The following INSR variants were observed in gnomAD, a reference collection of about 807,000 sequenced individuals.
INSR encodes the protein insulin receptor.
Under a neutral mutation model 142.6 loss-of-function variants are expected in INSR, and 67 were observed. That is an observed-to-expected ratio of 0.47 (90% CI 0.39 to 0.58). The LOEUF (loss-of-function observed/expected upper bound fraction) is 0.58, where lower values mean the gene tolerates loss of function less well. Among genes scored for constraint, INSR ranks in the 20% least tolerant of loss-of-function variants. The pLI is 0.00. For synonymous variants in INSR, 756 were observed against 743.1 expected (o/e 1.02, Z -0.28); for missense variants, 1,248 against 1,833.2 (o/e 0.68, Z 5.83).
chr19:7,147,180 CTT>C (rs775052375), intron 11 of INSR, among the ~76,000 whole-genome samples: 1 of 145,118 alleles, frequency 6.9e-6, no homozygotes. Flanking sequence ...AACTTTTTAA[CTT>C]TTTTTTTTTT....
At chr19:7,161,274 T>G (rs1288379444) in intron 9 of INSR, among the ~76,000 whole-genome samples, 1 of 151,664 alleles carries the variant, frequency 6.6e-6, no homozygotes, top group Non-Finnish European at 1.5e-5. Context: ...TTTTTATATA[T>G]ATAGAGACAG....
intron 2 of INSR, among the ~76,000 whole-genome samples, chr19:7,190,369 G>GTT (rs34757652): frequency 3.8e-4 from 39 of 102,698 alleles, no homozygotes; most frequent in Non-Finnish European, 4.5e-4. Flanking sequence ...TTCTTTGGTG[G>GTT]TTTTTTTTTT....
At chr19:7,288,735 G>A (rs1012001692) in intron 1 of INSR, among the ~76,000 whole-genome samples, 4 of 151,622 alleles carry the variant, frequency 2.6e-5, no homozygotes, top group African/African-American at 9.7e-5. Flanking sequence ...GGCTGAGGTA[G>A]GTGGATCTCT....
rs550281521 is a variant in INSR, at chr19:7,163,555, G to A, written c.1862-356C>T. Among the ~76,000 whole-genome samples the A allele has an allele frequency of 2.5e-4, 38 of 150,780 alleles. No individual in the cohort carries two copies. The East Asian group carries it at 3.5e-3, about 14-fold the overall frequency. ...AGCCTGGGTGACAGAGCAAGAGTCC[G>A]TCTCAAAACAAAACAAAACAAAAAA... On this transcript the variant is annotated intron_variant, in intron 8 of 21. Transcript: ENST00000302850.
Position 7,267,662 on chromosome 19 carries a change from G to C in INSR, c.335C>G (p.Ser112Ter), listed in dbSNP as rs1967780431. ...CAGCGCGTAGTTAAAGAACAGTCGT[G>C]ATCCCCGGATGACCGTGAGGTTGGG... ...LFPNLTVIRG[S>*]RLFFNYALVI... Residue 112 changes from serine to a stop codon, truncating the protein, a stop_gained, in exon 2 of 22, where the codon TCA becomes TGA. Transcript: ENST00000302850. LOFTEE classifies it high-confidence loss of function. This position sits in a 1 kb window ranked among gnomAD's most constrained non-coding sequence, Gnocchi z 6.3. 1 of 1,613,920 alleles carries C rather than the reference G, an allele frequency of 6.2e-7. No homozygotes were observed. Among genetic ancestry groups the C allele is most frequent in the African/African-American group, 1.3e-5 (1 of 74,878 alleles).
At chr19:7,131,686 A>AGT (rs2144830261) in intron 14 of INSR, among the ~76,000 whole-genome samples, 1 of 83,896 alleles carries the variant, frequency 1.2e-5, no homozygotes, top group African/African-American at 5.6e-5. Flanking sequence ...TACCTCTGAA[A>AGT]CTTTTTTTTT....
intron 2 of INSR, among the ~76,000 whole-genome samples, chr19:7,201,488 G>A (rs1427865946): frequency 7.9e-5 from 12 of 151,086 alleles, no homozygotes; most frequent in African/African-American, 2.9e-4. Context: ...AGCTGGGTGT[G>A]GTGGTGGGCG....
intron 14 of INSR, among the ~76,000 whole-genome samples, chr19:7,131,228 T>C (rs1461749698): frequency 6.6e-6 from 1 of 151,750 alleles, no homozygotes; most frequent in Admixed American, 6.6e-5. Flanking sequence ...AGGTGCCTAC[T>C]TGAGAGTGGT....
intron 2 of INSR, among the ~76,000 whole-genome samples, chr19:7,263,620 T>C (rs1198188874): frequency 6.6e-6 from 1 of 152,178 alleles, no homozygotes; most frequent in Non-Finnish European, 1.5e-5. Context: ...GAGTCTCAGT[T>C]TGTCACCCAG....
chr19:7,204,926 C>A lies in INSR; in HGVS notation c.653-20289G>T, dbSNP rs191804485. ...CAAAACCTCATTTCTACTAAATATA[C>A]AAAAAAAATTAGCCGGGCATGGTGG... is the stretch of plus-strand genomic sequence containing the variant. On this transcript the variant is annotated intron_variant, in intron 2 of 21. Coordinates refer to ENST00000302850, the MANE Select transcript of INSR (RefSeq NM_000208.4). 2.6e-4 allele frequency among the ~76,000 whole-genome samples: 39 copies of A among 151,856 alleles called. No individual in the cohort carries two copies. In the East Asian group the frequency reaches 7.4e-3, roughly 29 times the overall value.
intron 2 of INSR, among the ~76,000 whole-genome samples, chr19:7,238,151 A>G (rs986064615): frequency 6.6e-6 from 1 of 152,194 alleles, no homozygotes; most frequent in Non-Finnish European, 1.5e-5. Context: ...CATAAAGTAA[A>G]TCCATAACTG....
At chr19:7,260,560 G>T (rs991285193) in intron 2 of INSR, among the ~76,000 whole-genome samples, 1 of 152,166 alleles carries the variant, frequency 6.6e-6, no homozygotes, top group Admixed American at 6.6e-5. Flanking sequence ...CAAGATACAT[G>T]TTCCTCTGCC....
At chr19:7,224,692 G>T (rs1347717926) in intron 2 of INSR, among the ~76,000 whole-genome samples, 1 of 152,218 alleles carries the variant, frequency 6.6e-6, no homozygotes, top group Non-Finnish European at 1.5e-5. Context: ...TGCGTCCCGA[G>T]GAAATGCACC....
intron 13 of INSR, among the ~76,000 whole-genome samples, chr19:7,137,497 A>G (rs962292878): frequency 6.6e-6 from 1 of 151,998 alleles, no homozygotes; most frequent in Non-Finnish European, 1.5e-5. Flanking sequence ...TTAAGATGCA[A>G]CTGACCCAGG....
At position 7,142,946 on chromosome 19, in the gene INSR, C is replaced by T; in HGVS notation, c.2412G>A (p.Lys804=). 6.2e-7 allele frequency: 1 copy of T among 1,614,148 alleles called. No homozygotes were observed. Among genetic ancestry groups the T allele is most frequent in the Non-Finnish European group, 8.5e-7 (1 of 1,180,020 alleles). ...EHRPFEKVVN[K]ESLVISGLRH... ...GCAAGCCGGAGATGACCAGCGACTC[C>T]TTGTTCACCACCTTCTCAAAAGGCC... Residue 804 remains lysine, a synonymous_variant, in exon 12 of 22, where the codon AAG becomes AAA. Coordinates refer to ENST00000302850, the MANE Select transcript of INSR (RefSeq NM_000208.4).
intron 1 of INSR, among the ~76,000 whole-genome samples, chr19:7,283,823 T>C (rs1056468549): frequency 2.0e-5 from 3 of 152,194 alleles, no homozygotes; most frequent in Admixed American, 2.0e-4. Context: ...TAGTGAATAC[T>C]GAACCATTGT....
Position 7,237,026 on chromosome 19 carries a change from C to CAA in INSR, c.652+30317_652+30318dup, listed in dbSNP as rs111359523. Among the ~76,000 whole-genome samples, 56 of 90,656 alleles carry CAA rather than the reference C, an allele frequency of 6.2e-4. 1 individual carries two copies. The highest frequency in any genetic ancestry group is 1.7e-3 in the African/African-American group (44 of 25,958). 59.5% of individuals were successfully genotyped at this position (90,656 alleles called of 152,430 possible). A position where few individuals can be genotyped will look rare whatever the true frequency, so the allele number is the denominator to read the frequency against. On this transcript the variant is annotated intron_variant, in intron 2 of 21. Transcript: ENST00000302850. ...TGGGTGACAGCGTGAGACTCTGTCT[C>CAA]AAAAAAAAAAAAAAAAAGATACAAT... is the stretch of plus-strand genomic sequence containing the variant.
intron 12 of INSR, among the ~76,000 whole-genome samples, chr19:7,142,029 CAG>C (rs765942014): frequency 1.3e-5 from 2 of 150,324 alleles, no homozygotes; most frequent in African/African-American, 2.5e-5. Flanking sequence ...TTTTTTGAGA[CAG>C]AGTCTTGCTC....
chr19:7,166,447 C>G lies in INSR; in HGVS notation c.1611-43G>C. ...CAGAAGGCAGTTACCCTTACAAGAC[C>G]GTCACACTGAGTGCCGTGCAGATGA... On this transcript the variant is annotated intron_variant, in intron 7 of 21. Coordinates refer to ENST00000302850, the MANE Select transcript of INSR (RefSeq NM_000208.4). The surrounding 1 kb of genome is among the most constrained non-coding windows in gnomAD (Gnocchi z 4.1). 6.2e-7 allele frequency: 1 copy of G among 1,607,386 alleles called. No homozygotes were observed.
Sources: gnomAD v4.1 joint callset for allele counts (sites outside exome capture counted in the v4.1 genomes callset) on GRCh38, gnomAD v4.1.1 for gene constraint, Gnocchi (gnomAD v3.1) non-coding constraint, MANE v1.5 for transcripts, NCBI Gene and HGNC (gene_info 2026-07-23, HGNC 2026-07-21) for gene names.